The following PGBD4 variants were observed in gnomAD, a reference collection of about 807,000 sequenced individuals.
PGBD4 encodes piggyBac transposable element-derived protein 4.
PGBD4 carries 1 observed loss-of-function variant against 0.3 expected under a neutral mutation model. The observed-to-expected ratio is 3.72, with a 90% confidence interval of 1.32 to 17.64. The LOEUF (loss-of-function observed/expected upper bound fraction) is 17.64. Ranked by LOEUF, PGBD4 falls within the 30% of genes most tolerant of loss-of-function variation. The probability of loss-of-function intolerance (pLI) is 0.11; values close to 1 mark genes in which losing one functional copy is unlikely to be tolerated. For missense variants in PGBD4, 624 were observed against 719.7 expected (o/e 0.87, Z 1.52); for synonymous variants, 253 against 267.7 (o/e 0.95, Z 0.54).
In PGBD4 at chr15:34,107,017, A is replaced by G. The variant is rs1336216158; in HGVS notation, c.*2728A>G. The G allele has an allele frequency of 6.7e-6, 1 of 149,538 alleles. No homozygotes were observed. The highest frequency in any genetic ancestry group is 2.4e-5 in the African/African-American group (1 of 40,914). The allele number at this position is 149,538 out of a possible 1,614,324, so 9.3% of individuals were successfully genotyped here. ...CAAATCCATATATACATATATATGT[A>G]TATATATAGTATGCTACCAGTTGTG... On this transcript the variant is annotated 3_prime_UTR_variant, in exon 1 of 1. Transcript: ENST00000397766.
chr15:34,102,744 C>T lies in PGBD4; in HGVS notation c.213C>T (p.Arg71=), dbSNP rs374986308. 6.2e-7 allele frequency: 1 copy of T among 1,614,200 alleles called. No individual in the cohort carries two copies. Among genetic ancestry groups the T allele is most frequent in the Non-Finnish European group, 8.5e-7 (1 of 1,180,042 alleles). Residue 71 remains arginine, a synonymous_variant, in exon 1 of 1, where the codon CGC becomes CGT. Transcript: ENST00000397766. The surrounding 1 kb of genome is among the most constrained non-coding windows in gnomAD (Gnocchi z 4.7). ...GKSSTSSDSG[R]SMKWSARAMI... ...GCTCTACATCAAGTGACTCAGGGCG[C>T]TCCATGAAATGGTCAGCTCGTGCTA... is the stretch of plus-strand genomic sequence containing the variant.
rs1450013052 is a variant in PGBD4, at chr15:34,102,095, GA to G, written c.-436del. On this transcript the variant is annotated 5_prime_UTR_variant, in exon 1 of 1. The change creates a premature stop within an existing upstream ORF in the 5' untranslated region. Coordinates refer to ENST00000397766, the MANE Select transcript of PGBD4 (RefSeq NM_152595.5). The surrounding 1 kb of genome is among the most constrained non-coding windows in gnomAD (Gnocchi z 4.7). ...GCCTGTGTCAAGTGCCTATGAAGGG[GA>G]CTGCCCATGAAGTGAAAGTCAAGTG... The G allele has an allele frequency of 1.8e-5, 10 of 543,010 alleles. No individual in the cohort carries two copies. The African/African-American group carries it at 1.9e-4, about 10-fold the overall frequency. 33.6% of individuals were successfully genotyped at this position (543,010 alleles called of 1,614,324 possible).
chr15:34,104,017 A>C lies in PGBD4; in HGVS notation c.1486A>C (p.Lys496Gln). Residue 496 changes from lysine to glutamine, a missense_variant, in exon 1 of 1, where the codon AAG (lysine) becomes CAG (glutamine). Physicochemically the swap from Lys to Gln is moderately conservative, Grantham distance 53. Transcript: ENST00000397766. ...GGCATTGATTGAAAGAATGCTGGAA[A>C]AGCATCACAAGCCAGGGCAGCAACA... ...RLALIERMLEKHHKPGQQHLR... is the reference protein window; with the variant it reads ...RLALIERMLEQHHKPGQQHLR... 13 of 1,614,180 alleles carry C rather than the reference A, an allele frequency of 8.1e-6. No homozygotes were observed. Among genetic ancestry groups the C allele is most frequent in the Non-Finnish European group, 1.1e-5 (13 of 1,180,030 alleles).
chr15:34,102,959 G>A lies in PGBD4; in HGVS notation c.428G>A (p.Arg143Gln). The change falls in exon 1 of 1, where the codon CGA (arginine) becomes CAA (glutamine). Residue 143 changes from arginine to glutamine, a missense_variant. Arg to Gln is a conservative substitution (Grantham distance 43). Coordinates refer to ENST00000397766, the MANE Select transcript of PGBD4 (RefSeq NM_152595.5). The surrounding 1 kb of genome is among the most constrained non-coding windows in gnomAD (Gnocchi z 4.7). Reference protein sequence around the residue: ...SKPPGPKGFSRMDKWKDTDND... With the variant: ...SKPPGPKGFSQMDKWKDTDND... ...CCACCGGGTCCGAAAGGATTTTCGC[G>A]AATGGATAAATGGAAAGACACTGAC... The A allele has an allele frequency of 6.2e-7, 1 of 1,614,082 alleles. No homozygotes were observed.
Position 34,104,041 on chromosome 15 carries a change from C to T in PGBD4, c.1510C>T (p.His504Tyr). ...LEKHHKPGQQ[H>Y]LRGRPCSDDV... ...AAAGCATCACAAGCCAGGGCAGCAA[C>T]ATCTTCGAGGTCGTCCTTGCTCCGA... Residue 504 changes from histidine (H) to tyrosine (Y), a missense_variant, in exon 1 of 1, where the codon CAT becomes TAT. His to Tyr is a moderately conservative substitution (Grantham distance 83). Transcript: ENST00000397766. 1 of 1,614,190 alleles carries T rather than the reference C, an allele frequency of 6.2e-7. No homozygotes were observed. Among genetic ancestry groups the T allele is most frequent in the Non-Finnish European group, 8.5e-7 (1 of 1,180,028 alleles).
Position 34,108,460 on chromosome 15 carries a change from G to A in PGBD4, c.*4171G>A, listed in dbSNP as rs1444617346. 2 of 152,190 alleles carry A rather than the reference G, an allele frequency of 1.3e-5. No individual in the cohort carries two copies. Among genetic ancestry groups the A allele is most frequent in the Non-Finnish European group, 2.9e-5 (2 of 68,044 alleles). 9.4% of individuals were successfully genotyped at this position (152,190 alleles called of 1,614,324 possible). A position where few individuals can be genotyped will look rare whatever the true frequency, so the allele number is the denominator to read the frequency against. ...TTAAAATCAGTACATGTTGAGCTGA[G>A]CCCTGAGGCCTTTGTTTCAGTCCCA... On this transcript the variant is annotated 3_prime_UTR_variant, in exon 1 of 1. Transcript: ENST00000397766.
chr15:34,104,643 G>GTT lies in PGBD4; in HGVS notation c.*357_*358dup, dbSNP rs1406355852. 5.7e-6 allele frequency: 1 copy of GTT among 175,464 alleles called. No homozygotes were observed. Among genetic ancestry groups the GTT allele is most frequent in the African/African-American group, 2.4e-5 (1 of 41,670 alleles). The allele number at this position is 175,464 out of a possible 1,614,324, so 10.9% of individuals were successfully genotyped here. A position where few individuals can be genotyped will look rare whatever the true frequency, so the allele number is the denominator to read the frequency against. On this transcript the variant is annotated 3_prime_UTR_variant, in exon 1 of 1. Transcript: ENST00000397766. ...CTCCAAGAACAGTTTTGTTGTTTTT[G>GTT]TTTTGTTTTGTTTTGTTTTGAGACG...
chr15:34,104,359 T>C lies in PGBD4; in HGVS notation c.*70T>C, dbSNP rs1049761047. 4.0e-6 allele frequency: 6 copies of C among 1,511,204 alleles called. No homozygotes were observed. The highest frequency in any genetic ancestry group is 1.4e-5 in the African/African-American group (1 of 72,026). The allele number at this position is 1,511,204 out of a possible 1,614,324, so 93.6% of individuals were successfully genotyped here. A position where few individuals can be genotyped will look rare whatever the true frequency, so the allele number is the denominator to read the frequency against. On this transcript the variant is annotated 3_prime_UTR_variant, in exon 1 of 1. Coordinates refer to ENST00000397766, the MANE Select transcript of PGBD4 (RefSeq NM_152595.5). ...GTTCTGTTTAGAAATAACTCCAAGA[T>C]TGGGAGGCCGACCTGGGTGGATCAC...
At position 34,103,542 on chromosome 15, in the gene PGBD4, C is replaced by A; in HGVS notation, c.1011C>A (p.Pro337=). The A allele has an allele frequency of 6.2e-7, 1 of 1,614,176 alleles. No individual in the cohort carries two copies. Among genetic ancestry groups the A allele is most frequent in the Non-Finnish European group, 8.5e-7 (1 of 1,180,034 alleles). Residue 337 remains proline, a synonymous_variant, in exon 1 of 1, where the codon CCC becomes CCA. Transcript: ENST00000397766. This position sits in a 1 kb window ranked among gnomAD's most constrained non-coding sequence, Gnocchi z 4.6. ...TCCTCGATAACTTTAATATATCTCC[C>A]ATGCTTTTCAGAGAATTACATCAAA... The part of the protein sequence containing the change: ...CVFLDNFNIS[P]MLFRELHQNR...
At position 34,103,140 on chromosome 15, in the gene PGBD4, C is replaced by T. The variant is rs776345687; in HGVS notation, c.609C>T (p.Cys203=). 9.3e-6 allele frequency: 15 copies of T among 1,613,768 alleles called. No individual in the cohort carries two copies. The highest frequency in any genetic ancestry group is 1.3e-5 in the African/African-American group (1 of 74,890). The part of the protein sequence containing the change: ...TGERFLLLFR[C]LHFVNNSSIS... ...AAAGATTTTTACTTTTGTTTCGGTGCCTGCATTTTGTCAACAATTCTTCTA... is the reference window on the plus strand; with the variant it reads ...AAAGATTTTTACTTTTGTTTCGGTGTCTGCATTTTGTCAACAATTCTTCTA... The change falls in exon 1 of 1, where the codon TGC becomes TGT. Residue 203 remains cysteine (C), a synonymous_variant. Transcript: ENST00000397766. This position sits in a 1 kb window ranked among gnomAD's most constrained non-coding sequence, Gnocchi z 4.6.
In PGBD4 at chr15:34,102,578, C is replaced by A; in HGVS notation, c.47C>A (p.Thr16Asn). 1 of 1,594,610 alleles carries A rather than the reference C, an allele frequency of 6.3e-7. No individual in the cohort carries two copies. ...KRSIPMRDSN[T>N]GLEQLLAEDS... Reference sequence around the variant, plus strand: ...AGCATTCCTATGCGTGATAGTAATACCGGTCTCGAACAGTTGTTGGCTGAA... The same window carrying A: ...AGCATTCCTATGCGTGATAGTAATAACGGTCTCGAACAGTTGTTGGCTGAA... The change falls in exon 1 of 1, where the codon ACC (threonine) becomes AAC (asparagine). Residue 16 changes from threonine to asparagine, a missense_variant. Coordinates refer to ENST00000397766, the MANE Select transcript of PGBD4 (RefSeq NM_152595.5). The surrounding 1 kb of genome is among the most constrained non-coding windows in gnomAD (Gnocchi z 4.7).
At position 34,108,608 on chromosome 15, in the gene PGBD4, T is replaced by C. The variant is rs1487131072; in HGVS notation, c.*4319T>C. ...ACCATTACACTTTCTAAACTATTAA[T>C]AAAATTTTACTTTTCAAAAATGATT... On this transcript the variant is annotated 3_prime_UTR_variant, in exon 1 of 1. Transcript: ENST00000397766. 2 of 152,106 alleles carry C rather than the reference T, an allele frequency of 1.3e-5. No homozygotes were observed. Among genetic ancestry groups the C allele is most frequent in the African/African-American group, 2.4e-5 (1 of 41,428 alleles). 9.4% of individuals were successfully genotyped at this position (152,106 alleles called of 1,614,324 possible).
rs762328368 is a variant in PGBD4, at chr15:34,103,668, T to C, written c.1137T>C (p.Cys379=). The C allele has an allele frequency of 1.2e-6, 2 of 1,614,188 alleles. No homozygotes were observed. The highest frequency in any genetic ancestry group is 4.5e-5 in the East Asian group (2 of 44,886). The change falls in exon 1 of 1, where the codon TGT becomes TGC. Residue 379 remains cysteine, a synonymous_variant. Transcript: ENST00000397766. The surrounding 1 kb of genome is among the most constrained non-coding windows in gnomAD (Gnocchi z 4.6). ...AGGGGACGACTGTAGCCAGATTCTG[T>C]GGTGAACTTATGGCACTGAAATGGT... is the stretch of plus-strand genomic sequence containing the variant. ...IAKGTTVARF[C]GELMALKWCD... is the part of the protein sequence containing the mutation.
Position 34,103,883 on chromosome 15 carries a change from G to C in PGBD4, c.1352G>C (p.Trp451Ser), listed in dbSNP as rs780161773. 12 of 1,613,836 alleles carry C rather than the reference G, an allele frequency of 7.4e-6. No homozygotes were observed. The highest frequency in any genetic ancestry group is 1.0e-5 in the Non-Finnish European group (12 of 1,180,026). Residue 451 changes from tryptophan to serine, a missense_variant, in exon 1 of 1, where the codon TGG becomes TCG. By Grantham distance (177) the Trp-to-Ser change is radical. Coordinates refer to ENST00000397766, the MANE Select transcript of PGBD4 (RefSeq NM_152595.5). This position sits in a 1 kb window ranked among gnomAD's most constrained non-coding sequence, Gnocchi z 4.6. The stretch of plus-strand genomic sequence containing the variant: ...TCTGAGCGCAAAAGACACAAGGTTT[G>C]GTATAAGAAATTCTTTCACCATCTT... The part of the protein sequence containing the change: ...YPSERKRHKV[W>S]YKKFFHHLLH...
In PGBD4 at chr15:34,104,915, G is replaced by A. The variant is rs553515501; in HGVS notation, c.*626G>A. On this transcript the variant is annotated 3_prime_UTR_variant, in exon 1 of 1. Transcript: ENST00000397766. ...CTATCTGGGCCTCACAAAGTCCTGGGATTATAGGCATGAGCCACTGCGCCT... is the reference window on the plus strand; with the variant it reads ...CTATCTGGGCCTCACAAAGTCCTGGAATTATAGGCATGAGCCACTGCGCCT... 531 of 152,338 alleles carry A rather than the reference G, an allele frequency of 3.5e-3. 6 individuals are homozygous for A. Among genetic ancestry groups the A allele is most frequent in the Non-Finnish European group, 7.1e-4 (48 of 68,046 alleles). 9.4% of individuals were successfully genotyped at this position (152,338 alleles called of 1,614,324 possible).
rs146381896 is a variant in PGBD4, at chr15:34,103,227, T to C, written c.696T>C (p.Phe232=). The C allele has an allele frequency of 2.0e-5, 32 of 1,614,072 alleles. No homozygotes were observed. In the African/African-American group the frequency reaches 4.1e-4, roughly 21 times the overall value. Residue 232 remains phenylalanine (F), a synonymous_variant, in exon 1 of 1, where the codon TTT becomes TTC. Transcript: ENST00000397766. The surrounding 1 kb of genome is among the most constrained non-coding windows in gnomAD (Gnocchi z 4.6). ...AGAAGATCAAACCTGTGTTCGACTT[T>C]CTTGTAAATAAATTTTCCACTGTAT... ...SLQKIKPVFD[F]LVNKFSTVYT...
Position 34,105,960 on chromosome 15 carries a change from A to G in PGBD4, c.*1671A>G, listed in dbSNP as rs1385640310. 6.0e-6 allele frequency: 1 copy of G among 167,128 alleles called. No individual in the cohort carries two copies. The highest frequency in any genetic ancestry group is 1.5e-5 in the Non-Finnish European group (1 of 68,172). The allele number at this position is 167,128 out of a possible 1,614,324, so 10.4% of individuals were successfully genotyped here. A position where few individuals can be genotyped will look rare whatever the true frequency, so the allele number is the denominator to read the frequency against. ...CATCAGAAAACTTCTTCCCAAGGCC[A>G]CACCACACCTGCAAAATGCCTAACA... On this transcript the variant is annotated 3_prime_UTR_variant, in exon 1 of 1. Coordinates refer to ENST00000397766, the MANE Select transcript of PGBD4 (RefSeq NM_152595.5).
rs750705018 is a variant in PGBD4 at position 34,103,295 on chromosome 15, T to C, written c.764T>C (p.Leu255Pro). 3 of 1,614,214 alleles carry C rather than the reference T, an allele frequency of 1.9e-6. No individual in the cohort carries two copies. Among genetic ancestry groups the C allele is most frequent in the South Asian group, 1.1e-5 (1 of 91,076 alleles). Residue 255 changes from leucine (L) to proline (P), a missense_variant, in exon 1 of 1, where the codon CTG (leucine) becomes CCG (proline). Transcript: ENST00000397766. This position sits in a 1 kb window ranked among gnomAD's most constrained non-coding sequence, Gnocchi z 4.6. ...ATTGCAGTTGATGAATCACTGATGCTGTTCAAGGGGCCATTAGCTATGAAG... is the reference window on the plus strand; with the variant it reads ...ATTGCAGTTGATGAATCACTGATGCCGTTCAAGGGGCCATTAGCTATGAAG... The part of the protein sequence containing the change: ...RNIAVDESLM[L>P]FKGPLAMKQY...
At position 34,102,476 on chromosome 15, in the gene PGBD4, C is replaced by A. The variant is rs1435056396; in HGVS notation, c.-56C>A. On this transcript the variant is annotated 5_prime_UTR_variant, in exon 1 of 1. It adds an upstream start codon to the 5' untranslated region. Transcript: ENST00000397766. The surrounding 1 kb of genome is among the most constrained non-coding windows in gnomAD (Gnocchi z 4.7). ...AAGACATCATTCTGTTTATAGCATTCTGTTTTTAGTAGTGGGATTTCCATC... is the reference window on the plus strand; with the variant it reads ...AAGACATCATTCTGTTTATAGCATTATGTTTTTAGTAGTGGGATTTCCATC... The A allele has an allele frequency of 2.7e-6, 4 of 1,457,088 alleles. No individual in the cohort carries two copies. Among genetic ancestry groups the A allele is most frequent in the African/African-American group, 2.9e-5 (2 of 70,000 alleles). The allele number at this position is 1,457,088 out of a possible 1,614,324, so 90.3% of individuals were successfully genotyped here. A position where few individuals can be genotyped will look rare whatever the true frequency, so the allele number is the denominator to read the frequency against.
Sources: gnomAD v4.1 joint callset for allele counts on GRCh38, gnomAD v4.1.1 for gene constraint, Gnocchi (gnomAD v3.1) non-coding constraint, MANE v1.5 for transcripts, NCBI Gene and HGNC (gene_info 2026-07-23, HGNC 2026-07-21) for gene names.